Variants in LTBP1 observed in about 807,000 individuals in gnomAD.
LTBP1 encodes the protein latent transforming growth factor beta binding protein 1.
LTBP1 carries 129 observed loss-of-function variants against 207.6 expected under a neutral mutation model. The observed-to-expected ratio is 0.62, with a 90% CI of 0.54 to 0.72. The LOEUF is 0.72. Ranked by LOEUF, LTBP1 falls within the 30% of genes least tolerant of loss-of-function variation. The pLI, the probability that LTBP1 is intolerant of heterozygous loss-of-function variation, is 0.00. For missense variants in LTBP1, 2,281 were observed against 2,217.2 expected (o/e 1.03, Z -0.58); for synonymous variants, 963 against 833.7 (o/e 1.16, Z -2.67).
At chr2:33,389,068 A>T in intron 31 of LTBP1, 116 bp from the exon 32 acceptor site, 1 of 1,410,230 alleles carries the variant, frequency 7.1e-7, no homozygotes, top group East Asian at 2.3e-5. Flanking sequence ...TACGCAGGAG[A>T]TGGAGACACA....
Position 33,360,765 on chromosome 2 carries a change from C to T in LTBP1, c.4169C>T (p.Pro1390Leu). The T allele has an allele frequency of 3.7e-6, 6 of 1,613,732 alleles. No individual in the cohort carries two copies. The highest frequency in any genetic ancestry group is 2.5e-6 in the Non-Finnish European group (3 of 1,179,774). The change falls in exon 27 of 34, where the codon CCG (proline) becomes CTG (leucine). Residue 1390 changes from proline to leucine, a missense_variant. Physicochemically the swap from Pro to Leu is moderately conservative, Grantham distance 98. Around this residue, in one of 3 missense-constraint regions of LTBP1, gnomAD observed 1,671 missense variants for 1,634.8 expected, o/e 1.02. Coordinates refer to ENST00000404816, the MANE Select transcript of LTBP1 (RefSeq NM_206943.4). ...WGDNCEIFPC[P>L]VLGTAEFTEM... ...GATAACTGCGAAATCTTCCCCTGCC[C>T]GGTCTTGGGAACTGGTAAGAATCCG...
intron 10 of LTBP1, among the ~76,000 whole-genome samples, chr2:33,245,033 C>A (rs1004784761): frequency 6.6e-6 from 1 of 152,106 alleles, no homozygotes; most frequent in Non-Finnish European, 1.5e-5. Context: ...CATGTGCTAC[C>A]ACGCCCAGCT....
At chr2:33,236,252 A>T (rs1212067050) in intron 9 of LTBP1, among the ~76,000 whole-genome samples, 1 of 152,160 alleles carries the variant, frequency 6.6e-6, no homozygotes, top group African/African-American at 2.4e-5. Flanking sequence ...TTTTCATTTA[A>T]TCTCAGAAAC....
intron 9 of LTBP1, among the ~76,000 whole-genome samples, chr2:33,223,592 A>T (rs1269692603): frequency 3.3e-5 from 5 of 152,334 alleles, no homozygotes; most frequent in East Asian, 3.9e-4. Flanking sequence ...AGATTTTAAG[A>T]TGCATGTTTT....
intron 2 of LTBP1, among the ~76,000 whole-genome samples, chr2:32,963,697 C>G (rs1679501051): frequency 6.6e-6 from 1 of 152,156 alleles, no homozygotes; most frequent in Non-Finnish European, 1.5e-5. Context: ...CCACATTTAT[C>G]AAGGTGTGGT....
intron 2 of LTBP1, among the ~76,000 whole-genome samples, chr2:33,002,544 T>C (rs1415873157): frequency 6.6e-6 from 1 of 152,198 alleles, no homozygotes; most frequent in Non-Finnish European, 1.5e-5. Flanking sequence ...GTGGGTGGAT[T>C]TTCCAGCTCT....
chr2:33,117,009 T>C (rs899197668), intron 4 of LTBP1, among the ~76,000 whole-genome samples: 1 of 152,170 alleles, frequency 6.6e-6, no homozygotes, highest in African/African-American at 2.4e-5. Context: ...TCTCAGTCTT[T>C]GCAACAGGCT....
intron 9 of LTBP1, among the ~76,000 whole-genome samples, chr2:33,228,097 G>T (rs552559789): frequency 1.3e-5 from 2 of 152,100 alleles, no homozygotes; most frequent in South Asian, 4.2e-4. Flanking sequence ...GAGCCACCAC[G>T]CCCGGCCAAG....
Position 32,992,635 on chromosome 2 carries a change from G to A in LTBP1, c.566-28274G>A, listed in dbSNP as rs985898372. On this transcript the variant is annotated intron_variant, in intron 2 of 33. Coordinates refer to ENST00000404816, the MANE Select transcript of LTBP1 (RefSeq NM_206943.4). ...GATCCAAGTATTGCCACAGAGCTTC[G>A]GCATCTTAGTCTGAAAATGGAGATT... Among the ~76,000 whole-genome samples, 6 of 152,194 alleles carry A rather than the reference G, an allele frequency of 3.9e-5. No homozygotes were observed. The East Asian group carries it at 9.7e-4, about 25-fold the overall frequency.
At chr2:33,327,919 C>T (rs553437592) in intron 24 of LTBP1, among the ~76,000 whole-genome samples, 3 of 151,502 alleles carry the variant, frequency 2.0e-5, no homozygotes, top group Non-Finnish European at 2.9e-5. Flanking sequence ...TGGGTGGATC[C>T]GAGGTCAGCA....
In LTBP1 at chr2:33,170,307, T is replaced by C. The variant is rs571457915; in HGVS notation, c.1202-16549T>C. On this transcript the variant is annotated intron_variant, in intron 5 of 33. Coordinates refer to ENST00000404816, the MANE Select transcript of LTBP1 (RefSeq NM_206943.4). The stretch of plus-strand genomic sequence containing the variant: ...AATCGGGTCACTCCCACCCTAATAC[T>C]GCGCTTTTCCGACGGGCTTAAAAAA... 1.3e-3 allele frequency among the ~76,000 whole-genome samples: 202 copies of C among 152,232 alleles called. 1 individual carries two copies. Among genetic ancestry groups the C allele is most frequent in the African/African-American group, 4.6e-3 (191 of 41,548 alleles).
chr2:33,353,776 T>A (rs76359353), intron 26 of LTBP1, among the ~76,000 whole-genome samples: 2,960 of 151,880 alleles, frequency 0.019, 43 homozygotes, highest in Middle Eastern at 0.055. Context: ...ATACAACTCA[T>A]CTTGGTAGTT....
chr2:33,045,243 T>C (rs1291846261), intron 3 of LTBP1, among the ~76,000 whole-genome samples: 1 of 152,240 alleles, frequency 6.6e-6, no homozygotes, highest in Non-Finnish European at 1.5e-5. Context: ...TTTTATGGTT[T>C]TAGGTCTTAC....
chr2:33,000,031 T>C (rs1013246840), intron 2 of LTBP1, among the ~76,000 whole-genome samples: 1 of 134,240 alleles, frequency 7.4e-6, no homozygotes, highest in Non-Finnish European at 1.6e-5. Flanking sequence ...CCAGTATCAG[T>C]AGGGCTTGGG....
intron 4 of LTBP1, among the ~76,000 whole-genome samples, chr2:33,123,094 T>A (rs1160126878): frequency 6.6e-6 from 1 of 152,214 alleles, no homozygotes; most frequent in East Asian, 1.9e-4. Flanking sequence ...CTTAGTCCTG[T>A]CCACATTCCC....
intron 5 of LTBP1, among the ~76,000 whole-genome samples, chr2:33,168,834 A>G (rs1422831567): frequency 6.6e-6 from 1 of 152,144 alleles, no homozygotes; most frequent in Admixed American, 6.5e-5. Context: ...TTAATTTCCA[A>G]CTCATAGTGA....
intron 3 of LTBP1, chr2:33,061,572 T>C (rs750342795): frequency 6.6e-6 from 1 of 152,200 alleles, no homozygotes; most frequent in African/African-American, 2.4e-5. Flanking sequence ...GTGTACCCTT[T>C]TGTAGAAGGC....
At chr2:33,146,775 G>A (rs1168516398) in intron 5 of LTBP1, among the ~76,000 whole-genome samples, 1 of 152,166 alleles carries the variant, frequency 6.6e-6, no homozygotes, top group East Asian at 1.9e-4. Context: ...TAAACAACCA[G>A]ATCTTGTGAG....
At chr2:33,197,748 A>G (rs13387581) in intron 7 of LTBP1, among the ~76,000 whole-genome samples, 1 of 152,116 alleles carries the variant, frequency 6.6e-6, no homozygotes, top group Non-Finnish European at 1.5e-5. Flanking sequence ...TATGGGAAGC[A>G]TTTAGAATCA....
Sources: gnomAD v4.1 joint callset for allele counts (sites outside exome capture counted in the v4.1 genomes callset) on GRCh38, gnomAD v4.1.1 for gene constraint, gnomAD v4.1.1 regional missense constraint, MANE v1.5 for transcripts, NCBI Gene and HGNC (gene_info 2026-07-23, HGNC 2026-07-21) for gene names.